Variants in NTM observed in about 807,000 individuals in gnomAD.
The protein encoded by NTM is neurotrimin, also known as IgLON family member 2.
In NTM, 13 loss-of-function variants were observed where a neutral mutation model predicts 42.1. That is an observed-to-expected ratio of 0.31 (90% CI 0.20 to 0.49). The LOEUF is 0.49. Ranked by LOEUF, NTM falls within the 20% of genes least tolerant of loss-of-function variation. NTM has a pLI of 0.99. For synonymous variants in NTM, 187 were observed against 179.2 expected (o/e 1.04, Z -0.35); for missense variants, 373 against 452.8 (o/e 0.82, Z 1.60).
chr11:131,428,027 T>A (rs992532948), intron 1 of NTM, among the ~76,000 whole-genome samples: 3 of 152,248 alleles, frequency 2.0e-5, no homozygotes, highest in African/African-American at 7.2e-5. Context: ...AAGATGACTC[T>A]GAAATTTACA....
chr11:131,676,697 T>C (rs987863341), intron 1 of NTM, among the ~76,000 whole-genome samples: 1 of 152,208 alleles, frequency 6.6e-6, no homozygotes, highest in Non-Finnish European at 1.5e-5. Context: ...GTGCACTTTT[T>C]CTTCGTTGAA....
intron 1 of NTM, among the ~76,000 whole-genome samples, chr11:131,683,026 G>T (rs549691875): frequency 6.6e-6 from 1 of 152,282 alleles, no homozygotes; most frequent in East Asian, 1.9e-4. Context: ...AAGGACGCAG[G>T]CCCATACCAC....
intron 1 of NTM, among the ~76,000 whole-genome samples, chr11:131,873,668 T>TATATATATACACACATATATATACAC (rs2048125379): frequency 9.5e-6 from 1 of 105,426 alleles, no homozygotes; most frequent in African/African-American, 4.7e-5. Context: ...TATATACACA[T>TATATATATACACACATATATATACAC]ATATATATAC....
intron 3 of NTM, among the ~76,000 whole-genome samples, chr11:132,196,490 C>G (rs746898017): frequency 3.5e-4 from 54 of 152,114 alleles, no homozygotes; most frequent in Non-Finnish European, 6.8e-4. Flanking sequence ...AAAATACACT[C>G]ATATGTTTAT....
intron 1 of NTM, among the ~76,000 whole-genome samples, chr11:131,906,032 G>T (rs1405547475): frequency 1.3e-5 from 2 of 152,098 alleles, no homozygotes; most frequent in Non-Finnish European, 2.9e-5. Flanking sequence ...AACGTTAATG[G>T]AAATAAAACC....
intron 1 of NTM, among the ~76,000 whole-genome samples, chr11:131,856,663 C>T (rs77455924): frequency 0.045 from 6,818 of 152,216 alleles, 220 homozygotes; most frequent in Non-Finnish European, 0.068. Context: ...TTATGTAATA[C>T]CAGCCAAAAG....
In NTM at chr11:131,557,408, C is replaced by T. The variant is rs868534344; in HGVS notation, c.82+186520C>T. Among the ~76,000 whole-genome samples the T allele has an allele frequency of 5.9e-5, 9 of 152,122 alleles. No individual in the cohort carries two copies. In the East Asian group the frequency reaches 7.7e-4, roughly 13 times the overall value. On this transcript the variant is annotated intron_variant, in intron 1 of 8. Coordinates refer to ENST00000683400, the MANE Select transcript of NTM (RefSeq NM_001352005.2). ...CAAGCTCCTCCTGTAAAAGTAGAGA[C>T]GTGGACAAGAGTCCATTTTTAAAGT...
intron 1 of NTM, among the ~76,000 whole-genome samples, chr11:131,815,573 C>T (rs956453312): frequency 9.9e-5 from 15 of 152,228 alleles, no homozygotes; most frequent in South Asian, 2.1e-4. Flanking sequence ...AGGAATGAAA[C>T]CAAATTTGTC....
intron 2 of NTM, among the ~76,000 whole-genome samples, chr11:132,059,094 C>T (rs1393804054): frequency 1.3e-5 from 2 of 152,240 alleles, no homozygotes; most frequent in Non-Finnish European, 2.9e-5. Flanking sequence ...CTGGTGCTTT[C>T]TCCCTTCTTC....
At chr11:132,246,222 C>G (rs2091122339) in intron 4 of NTM, among the ~76,000 whole-genome samples, 1 of 152,214 alleles carries the variant, frequency 6.6e-6, no homozygotes, top group Admixed American at 6.5e-5. Context: ...ACCTCCCGCA[C>G]AGGTGGGACT....
chr11:131,640,598 A>T (rs2065013737), intron 1 of NTM, among the ~76,000 whole-genome samples: 1 of 152,210 alleles, frequency 6.6e-6, no homozygotes, highest in African/African-American at 2.4e-5. Context: ...CTTCGAGTCC[A>T]GAGGCCACAC....
chr11:131,450,746 A>G (rs970719950), intron 1 of NTM, among the ~76,000 whole-genome samples: 3 of 152,244 alleles, frequency 2.0e-5, no homozygotes, highest in African/African-American at 7.2e-5. Flanking sequence ...ATTATAACTT[A>G]CAATCACTAG....
In NTM at chr11:132,069,888, G is replaced by T. The variant is rs1460119153; in HGVS notation, c.168-76394G>T. Among the ~76,000 whole-genome samples, 10 of 143,956 alleles carry T rather than the reference G, an allele frequency of 6.9e-5. No homozygotes were observed. In the East Asian group the frequency reaches 1.5e-3, roughly 22 times the overall value. The allele number at this position is 143,956 out of a possible 152,430, so 94.4% of individuals were successfully genotyped here. On this transcript the variant is annotated intron_variant, in intron 2 of 8. Transcript: ENST00000683400. ...TAACACGTCACACTGACCGTCACAGGTTAGTTTACACGTCACACAGCCAAA... is the reference window on the plus strand; with the variant it reads ...TAACACGTCACACTGACCGTCACAGTTTAGTTTACACGTCACACAGCCAAA...
At chr11:131,438,043 C>A (rs549730954) in intron 1 of NTM, among the ~76,000 whole-genome samples, 1 of 152,174 alleles carries the variant, frequency 6.6e-6, no homozygotes, top group African/African-American at 2.4e-5. Context: ...ACTTATGAAG[C>A]TTAGTTTGGC....
At chr11:132,096,736 C>CT (rs2061043961) in intron 2 of NTM, among the ~76,000 whole-genome samples, 1 of 152,164 alleles carries the variant, frequency 6.6e-6, no homozygotes, top group Non-Finnish European at 1.5e-5. Flanking sequence ...TCCTGCCTGC[C>CT]TTGGTCTAGG....
chr11:131,601,333 A>G (rs772318225), intron 1 of NTM, among the ~76,000 whole-genome samples: 1 of 152,212 alleles, frequency 6.6e-6, no homozygotes, highest in Non-Finnish European at 1.5e-5. Flanking sequence ...TACTAACTGC[A>G]TAAGTTTGGC....
At chr11:131,846,785 C>T (rs2044962265) in intron 1 of NTM, among the ~76,000 whole-genome samples, 2 of 152,026 alleles carry the variant, frequency 1.3e-5, no homozygotes, top group Non-Finnish European at 2.9e-5. Flanking sequence ...TGAGGCTGGG[C>T]TGAGGAGGCA....
intron 1 of NTM, among the ~76,000 whole-genome samples, chr11:131,657,771 C>T (rs1465019613): frequency 6.6e-6 from 1 of 152,196 alleles, no homozygotes; most frequent in Admixed American, 6.5e-5. Context: ...GGTCTGGAAA[C>T]CTCGAGCTTT....
At chr11:132,198,632 T>C (rs1157122421) in intron 3 of NTM, among the ~76,000 whole-genome samples, 1 of 152,238 alleles carries the variant, frequency 6.6e-6, no homozygotes, top group African/African-American at 2.4e-5. Context: ...GATTGGAGCC[T>C]GAGTCTACTT....
Sources: gnomAD v4.1 joint callset for allele counts (sites outside exome capture counted in the v4.1 genomes callset) on GRCh38, gnomAD v4.1.1 for gene constraint, MANE v1.5 for transcripts, NCBI Gene and HGNC (gene_info 2026-07-23, HGNC 2026-07-21) for gene names.